Variants in LRRC28 observed in about 807,000 individuals in gnomAD.
LRRC28 encodes leucine-rich repeat-containing protein 28.
LRRC28 carries 39 observed loss-of-function variants against 45.7 expected under a neutral mutation model. The observed-to-expected ratio is 0.85, with a 90% confidence interval of 0.66 to 1.12. The LOEUF (loss-of-function observed/expected upper bound fraction) is 1.12, where lower values mean the gene tolerates loss of function less well. Among genes scored for constraint, LRRC28 ranks in the 50% most tolerant of loss-of-function variants. The pLI, the probability that LRRC28 is intolerant of heterozygous loss-of-function variation, is 0.00. For synonymous variants in LRRC28, 206 were observed against 178.8 expected, an observed-to-expected ratio of 1.15 and a Z score of -1.22; for missense variants, 435 against 438.5, an observed-to-expected ratio of 0.99 and a Z score of 0.07.
chr15:99,352,903 T>TTTACTGCAGTGACAGTC (rs1226547080), intron 7 of LRRC28, among the ~76,000 whole-genome samples: 2 of 152,206 alleles, frequency 1.3e-5, no homozygotes, highest in Non-Finnish European at 2.9e-5. Context: ...CCATGACAGT[T>TTTACTGCAGTGACAGTC]TTACTGCAGT....
Position 99,387,198 on chromosome 15 carries a change from C to CT in LRRC28, c.*1096_*1097insT. ...GCCTCAGCCTCCCAAGTAGCTGGGACCACAGGCGCCCGCCACCACGCCCGG... is the reference window on the plus strand; with the variant it reads ...GCCTCAGCCTCCCAAGTAGCTGGGACTCACAGGCGCCCGCCACCACGCCCGG... On this transcript the variant is annotated 3_prime_UTR_variant, in exon 10 of 10. Transcript: ENST00000301981. The CT allele has an allele frequency of 7.0e-6, 1 of 143,614 alleles. No homozygotes were observed. The highest frequency in any genetic ancestry group is 2.4e-4 in the South Asian group (1 of 4,096). 8.9% of individuals were successfully genotyped at this position (143,614 alleles called of 1,614,324 possible).
At chr15:99,336,645 C>T (rs780456233) in intron 6 of LRRC28, among the ~76,000 whole-genome samples, 21 of 152,190 alleles carry the variant, frequency 1.4e-4, no homozygotes, top group Non-Finnish European at 2.2e-4. Context: ...CCACTCCGTA[C>T]GCCAACCAGG....
chr15:99,359,449 A>G (rs1312611590), intron 7 of LRRC28, among the ~76,000 whole-genome samples: 1 of 152,252 alleles, frequency 6.6e-6, no homozygotes, highest in Non-Finnish European at 1.5e-5. Context: ...AAAGGTGATC[A>G]AACTCATTAG....
intron 5 of LRRC28, among the ~76,000 whole-genome samples, chr15:99,301,731 A>C (rs897454678): frequency 6.6e-6 from 1 of 152,208 alleles, no homozygotes; most frequent in Admixed American, 6.5e-5. Context: ...TGCTGCTAAA[A>C]GAGGTGACAT....
intron 2 of LRRC28, chr15:99,258,765 A>C: frequency 2.9e-6 from 2 of 696,398 alleles, no homozygotes; most frequent in South Asian, 2.7e-5. Context: ...GTTACCTTCA[A>C]ATCAATTTTA....
intron 9 of LRRC28, among the ~76,000 whole-genome samples, chr15:99,375,749 G>C (rs1331768757): frequency 6.6e-6 from 1 of 152,024 alleles, no homozygotes; most frequent in East Asian, 1.9e-4. Context: ...AGATTTATTA[G>C]TATAAAGTTG....
At chr15:99,285,039 T>TG in intron 3 of LRRC28, 1 of 656,484 alleles carries the variant, frequency 1.5e-6, no homozygotes. Context: ...TTGGCTTTGA[T>TG]GGGGCTTTCC....
At chr15:99,334,616 A>G (rs1160134854) in intron 6 of LRRC28, among the ~76,000 whole-genome samples, 1 of 152,184 alleles carries the variant, frequency 6.6e-6, no homozygotes. Context: ...TGAGCTAGAA[A>G]TGTCAGCCTG....
In LRRC28 at chr15:99,256,060, C is replaced by G. The variant is rs371711918; in HGVS notation, c.103C>G (p.Leu35Val). ...RNLHHFPLEL[L>V]KDEGLQYLER... ...TCTGCACCATTTTCCATTGGAGTTA[C>G]TGAAAGATGAGGGACTGCAGTACTT... Residue 35 changes from leucine to valine, a missense_variant, in exon 2 of 10, where the codon CTG (leucine) becomes GTG (valine). Coordinates refer to ENST00000301981, the MANE Select transcript of LRRC28 (RefSeq NM_144598.5). The G allele has an allele frequency of 5.0e-6, 8 of 1,613,774 alleles. No individual in the cohort carries two copies. The African/African-American group carries it at 1.1e-4, about 22-fold the overall frequency.
intron 6 of LRRC28, among the ~76,000 whole-genome samples, chr15:99,343,970 G>T (rs1231341041): frequency 6.6e-6 from 1 of 152,044 alleles, no homozygotes; most frequent in East Asian, 1.9e-4. Context: ...TCACAGCATC[G>T]CCTTTACAGC....
chr15:99,297,683 TATA>T (rs537323561), intron 5 of LRRC28, among the ~76,000 whole-genome samples: 548 of 151,244 alleles, frequency 3.6e-3, no homozygotes, highest in Non-Finnish European at 4.2e-3. Flanking sequence ...TTAATAACTT[TATA>T]ATAACAGATT....
chr15:99,313,982 C>T (rs75276765), intron 5 of LRRC28, among the ~76,000 whole-genome samples: 3,517 of 152,206 alleles, frequency 0.023, 115 homozygotes, highest in African/African-American at 0.079. Context: ...ACAAACACTA[C>T]TGAATTTATT....
intron 5 of LRRC28, among the ~76,000 whole-genome samples, chr15:99,319,077 AT>A: frequency 6.6e-6 from 1 of 152,264 alleles, no homozygotes; most frequent in Admixed American, 6.5e-5. Context: ...TAAAATAGAG[AT>A]TACTTTTACT....
At chr15:99,273,125 CAG>C (rs1307939247) in intron 2 of LRRC28, among the ~76,000 whole-genome samples, 3 of 152,146 alleles carry the variant, frequency 2.0e-5, no homozygotes, top group Non-Finnish European at 2.9e-5. Flanking sequence ...CATTAGAAAA[CAG>C]AGAGTGATAT....
intron 6 of LRRC28, among the ~76,000 whole-genome samples, chr15:99,339,793 A>G (rs528920434): frequency 1.3e-5 from 2 of 152,270 alleles, no homozygotes; most frequent in South Asian, 4.1e-4. Flanking sequence ...TAGCTTGTGC[A>G]TAAACCACCA....
At chr15:99,290,055 C>G (rs897923885) in intron 5 of LRRC28, among the ~76,000 whole-genome samples, 5 of 149,550 alleles carry the variant, frequency 3.3e-5, no homozygotes, top group African/African-American at 1.2e-4. Context: ...GTCAGGAGTT[C>G]GAGACCAGCC....
At chr15:99,257,164 A>G (rs1169030198) in intron 2 of LRRC28, among the ~76,000 whole-genome samples, 1 of 152,236 alleles carries the variant, frequency 6.6e-6, no homozygotes, top group East Asian at 1.9e-4. Flanking sequence ...TCTGGAAGTA[A>G]ATAGATACGT....
intron 8 of LRRC28, 51 bp from the exon 9 acceptor site, chr15:99,363,055 A>C (rs373045601): frequency 6.4e-7 from 1 of 1,564,652 alleles, no homozygotes; most frequent in African/African-American, 1.4e-5. Context: ...AGCGTAGTTT[A>C]AGGAAGTCTG....
rs1958083032 is a variant in LRRC28, at chr15:99,388,104, T to C, written c.*2002T>C. On this transcript the variant is annotated 3_prime_UTR_variant, in exon 10 of 10. Coordinates refer to ENST00000301981, the MANE Select transcript of LRRC28 (RefSeq NM_144598.5). ...TCTGTATCAAAATGTAACACTTTCATCCTTTGGAATAATTGAAGTTTAACA... is the reference window on the plus strand; with the variant it reads ...TCTGTATCAAAATGTAACACTTTCACCCTTTGGAATAATTGAAGTTTAACA... 6.6e-6 allele frequency: 1 copy of C among 152,226 alleles called. No homozygotes were observed. Among genetic ancestry groups the C allele is most frequent in the South Asian group, 2.1e-4 (1 of 4,838 alleles). 9.4% of individuals were successfully genotyped at this position (152,226 alleles called of 1,614,324 possible). A position where few individuals can be genotyped will look rare whatever the true frequency, so the allele number is the denominator to read the frequency against.
Sources: gnomAD v4.1 joint callset for allele counts (sites outside exome capture counted in the v4.1 genomes callset) on GRCh38, gnomAD v4.1.1 for gene constraint, MANE v1.5 for transcripts, NCBI Gene and HGNC (gene_info 2026-07-23, HGNC 2026-07-21) for gene names.